The following ATP11A variants were observed in gnomAD, a reference collection of about 807,000 sequenced individuals.
ATP11A encodes the protein phospholipid-transporting ATPase IH.
ATP11A carries 81 observed loss-of-function variants against 154.4 expected under a neutral mutation model. The observed-to-expected ratio is 0.52, with a 90% CI of 0.44 to 0.63. The LOEUF (loss-of-function observed/expected upper bound fraction) is 0.63, where lower values mean the gene tolerates loss of function less well. Among genes scored for constraint, ATP11A ranks in the 30% least tolerant of loss-of-function variants. ATP11A has a pLI of 0.00. For missense variants in ATP11A, 1,316 were observed against 1,474.3 expected, an observed-to-expected ratio of 0.89 and a Z score of 1.76; for synonymous variants, 623 against 585.9, an observed-to-expected ratio of 1.06 and a Z score of -0.91.
chr13:112,752,333 G>T (rs555135523), intron 1 of ATP11A, among the ~76,000 whole-genome samples: 87 of 152,336 alleles, frequency 5.7e-4, no homozygotes, highest in Admixed American at 2.1e-3. Context: ...AGTCAGGAAG[G>T]CCTCCTGCGA....
intron 1 of ATP11A, among the ~76,000 whole-genome samples, chr13:112,777,378 A>C (rs2077374090): frequency 6.6e-6 from 1 of 152,232 alleles, no homozygotes; most frequent in Non-Finnish European, 1.5e-5. Context: ...AGCCTGGCCA[A>C]CACGGTGAAA....
At chr13:112,774,752 G>C (rs2077305750) in intron 1 of ATP11A, among the ~76,000 whole-genome samples, 1 of 152,266 alleles carries the variant, frequency 6.6e-6, no homozygotes, top group African/African-American at 2.4e-5. Context: ...CAGTCTCAGA[G>C]TGTGAGAGCC....
chr13:112,846,955 G>T (rs1418767644), intron 17 of ATP11A, among the ~76,000 whole-genome samples: 17 of 152,184 alleles, frequency 1.1e-4, no homozygotes, highest in Admixed American at 1.1e-3. Context: ...CCTCCTAATG[G>T]CTTGTTGCTG....
intron 1 of ATP11A, among the ~76,000 whole-genome samples, chr13:112,714,194 T>A (rs1268579178): frequency 8.3e-6 from 1 of 120,516 alleles, no homozygotes; most frequent in African/African-American, 3.1e-5. Flanking sequence ...ATTCCACTCC[T>A]CCCAGCTGTC....
chr13:112,787,060 CG>C (rs1380197672), intron 2 of ATP11A, among the ~76,000 whole-genome samples: 4 of 108,336 alleles, frequency 3.7e-5, no homozygotes, highest in Non-Finnish European at 8.7e-5. Flanking sequence ...TAATTCACAC[CG>C]GGTGTCCTGA....
chr13:112,740,057 C>A (rs1891376933), intron 1 of ATP11A, among the ~76,000 whole-genome samples: 1 of 151,234 alleles, frequency 6.6e-6, no homozygotes, highest in South Asian at 2.1e-4. Flanking sequence ...GACGATTGTG[C>A]AATTCTGTAA....
At chr13:112,861,360 C>T (rs2080098315) in intron 24 of ATP11A, among the ~76,000 whole-genome samples, 1 of 152,176 alleles carries the variant, frequency 6.6e-6, no homozygotes, top group Non-Finnish European at 1.5e-5. Context: ...ATAATAGATT[C>T]TGTGGGCCCT....
rs2080141177 is a variant in ATP11A, at chr13:112,862,480, A to C, written c.2896A>C (p.Ile966Leu). The C allele has an allele frequency of 2.5e-6, 4 of 1,614,158 alleles. No homozygotes were observed. The East Asian group carries it at 6.7e-5, about 27-fold the overall frequency. Residue 966 changes from isoleucine (I) to leucine (L), a missense_variant, in exon 25 of 30, where the codon ATC becomes CTC. Physicochemically the swap from Ile to Leu is conservative, Grantham distance 5 (BLOSUM62 2). This residue lies in a region of ATP11A where 294 missense variants were observed against 290.2 expected (regional missense o/e 1.01). Coordinates refer to ENST00000375645, the MANE Select transcript of ATP11A (RefSeq NM_015205.3). Reference protein sequence around the residue: ...KNALLRWRVFIYWTLLGLFDA... With the variant: ...KNALLRWRVFLYWTLLGLFDA... ...TGCCCTGCTGCGCTGGCGCGTGTTC[A>C]TCTACTGGACGCTCCTGGGACTGTT...
Position 112,735,083 on chromosome 13 carries a change from G to A in ATP11A, c.39+44628G>A, listed in dbSNP as rs565667048. Among the ~76,000 whole-genome samples the A allele has an allele frequency of 1.2e-3, 190 of 152,302 alleles. 1 individual carries two copies. The highest frequency in any genetic ancestry group is 0.01 in the Middle Eastern group (3 of 294). ...AAAATGTTAGCAGACGTCTGGGATG[G>A]ATTTAGCTGTGCATTTTCTGGCAGT... On this transcript the variant is annotated intron_variant, in intron 1 of 29. Coordinates refer to ENST00000375645, the MANE Select transcript of ATP11A (RefSeq NM_015205.3).
intron 29 of ATP11A, chr13:112,880,672 C>G: frequency 7.8e-7 from 1 of 1,279,204 alleles, no homozygotes; most frequent in South Asian, 1.3e-5. Flanking sequence ...CTGCTGGACG[C>G]CGCCCGTGTG....
intron 1 of ATP11A, chr13:112,745,556 A>G (rs1002640355): frequency 4.6e-5 from 7 of 152,190 alleles, no homozygotes; most frequent in African/African-American, 1.7e-4. Flanking sequence ...CACAATAAAT[A>G]TACATCCCCT....
rs2080682173 is a variant in ATP11A at position 112,875,242 on chromosome 13, A to T, written c.3162-534A>T. Among the ~76,000 whole-genome samples the T allele has an allele frequency of 4.6e-5, 7 of 152,214 alleles. No homozygotes were observed. The highest frequency in any genetic ancestry group is 3.3e-4 in the Admixed American group (5 of 15,284). Reference sequence around the variant, plus strand: ...AGTGCCTGGGATGTGAAAGGCGATCAGGAAACGTTACCGGAAGGCACGTAT... The same window carrying T: ...AGTGCCTGGGATGTGAAAGGCGATCTGGAAACGTTACCGGAAGGCACGTAT... On this transcript the variant is annotated intron_variant, in intron 27 of 29. Coordinates refer to ENST00000375645, the MANE Select transcript of ATP11A (RefSeq NM_015205.3). The surrounding 1 kb of genome is among the most constrained non-coding windows in gnomAD (Gnocchi z 4.1).
chr13:112,730,857 G>C (rs1282675255), intron 1 of ATP11A, among the ~76,000 whole-genome samples: 1 of 152,238 alleles, frequency 6.6e-6, no homozygotes, highest in Non-Finnish European at 1.5e-5. Flanking sequence ...ACGGCAGCAG[G>C]TCGGTGGCAG....
Position 112,838,073 on chromosome 13 carries a change from G to C in ATP11A, c.1705+1822G>C, listed in dbSNP as rs1388691603. Among the ~76,000 whole-genome samples, 4 of 152,176 alleles carry C rather than the reference G, an allele frequency of 2.6e-5. No individual in the cohort carries two copies. Among genetic ancestry groups the C allele is most frequent in the Non-Finnish European group, 5.9e-5 (4 of 68,028 alleles). ...ATGTCTACTGATGGTCATAGGATGA[G>C]GAACAATCTGTGTGTGAATGTTGCC... is the stretch of plus-strand genomic sequence containing the variant. On this transcript the variant is annotated intron_variant, in intron 16 of 29. Coordinates refer to ENST00000375645, the MANE Select transcript of ATP11A (RefSeq NM_015205.3). This position sits in a 1 kb window ranked among gnomAD's most constrained non-coding sequence, Gnocchi z 7.3.
intron 4 of ATP11A, among the ~76,000 whole-genome samples, chr13:112,809,556 A>C (rs1014965067): frequency 6.6e-6 from 1 of 151,486 alleles, no homozygotes; most frequent in African/African-American, 2.4e-5. Context: ...GTGTCTCAGC[A>C]CACATGCAGT....
intron 1 of ATP11A, among the ~76,000 whole-genome samples, chr13:112,771,923 G>C (rs949500600): frequency 6.6e-6 from 1 of 152,238 alleles, no homozygotes; most frequent in Non-Finnish European, 1.5e-5. Context: ...GACACCGGGA[G>C]CCCTGGGCTG....
At chr13:112,788,762 A>C (rs985728744) in intron 2 of ATP11A, among the ~76,000 whole-genome samples, 2 of 151,550 alleles carry the variant, frequency 1.3e-5, no homozygotes, top group Non-Finnish European at 2.9e-5. Context: ...TATTTAATTC[A>C]CACCGGGTGT....
intron 8 of ATP11A, 73 bp from the exon 9 acceptor site, chr13:112,823,272 G>A (rs961418240): frequency 4.0e-5 from 46 of 1,143,384 alleles, no homozygotes; most frequent in Non-Finnish European, 5.5e-5. Flanking sequence ...TGGGTTTCAC[G>A]TCTGCCTCTT....
chr13:112,791,761 G>C (rs372160916), intron 2 of ATP11A, among the ~76,000 whole-genome samples: 6 of 152,102 alleles, frequency 3.9e-5, no homozygotes, highest in Non-Finnish European at 8.8e-5. Flanking sequence ...CCTCTCCGCT[G>C]CTCCCTGTGG....
Sources: allele counts gnomAD v4.1 joint callset (sites outside exome capture counted in the v4.1 genomes callset), GRCh38; gene constraint gnomAD v4.1.1; regional missense constraint gnomAD v4.1.1; non-coding constraint Gnocchi (gnomAD v3.1); transcripts MANE v1.5; gene names NCBI Gene and HGNC (gene_info 2026-07-23, HGNC 2026-07-21).